The following SEL1L2 variants were observed in gnomAD, a reference collection of about 807,000 sequenced individuals.
The protein encoded by SEL1L2 is SEL1L2 adaptor subunit of SYVN1 ubiquitin ligase.
Under a neutral mutation model 98.8 loss-of-function variants are expected in SEL1L2, and 89 were observed. The observed-to-expected ratio is 0.90, with a 90% CI of 0.76 to 1.07. The LOEUF (loss-of-function observed/expected upper bound fraction) is 1.07. SEL1L2 is among the 50% of genes least tolerant of loss of function. SEL1L2 has a pLI of 0.00. For synonymous variants in SEL1L2, 262 were observed against 278.5 expected, an observed-to-expected ratio of 0.94 and a Z score of 0.59; for missense variants, 788 against 812.0, an observed-to-expected ratio of 0.97 and a Z score of 0.36.
At chr20:13,888,573 G>T in intron 5 of SEL1L2, 61 bp from the exon 6 acceptor site, 1 of 775,488 alleles carries the variant, frequency 1.3e-6, no homozygotes, top group Non-Finnish European at 2.1e-6. Context: ...TTATCTATAT[G>T]GATAAGGGAT....
chr20:13,940,610 CAT>C (rs1569009525), intron 2 of SEL1L2, among the ~76,000 whole-genome samples: 1 of 152,274 alleles, frequency 6.6e-6, no homozygotes, highest in East Asian at 1.9e-4. Context: ...TTCTGGCTGA[CAT>C]GTGAGGAACA....
intron 7 of SEL1L2, 41 bp from the exon 8 acceptor site, chr20:13,887,891 G>A: frequency 1.9e-6 from 3 of 1,601,974 alleles, no homozygotes; most frequent in Non-Finnish European, 2.6e-6. Flanking sequence ...TCAAGACAAT[G>A]CTGTATTTAT....
intron 1 of SEL1L2, among the ~76,000 whole-genome samples, chr20:13,989,196 CTTTT>C (rs1196921537): frequency 6.6e-6 from 1 of 152,094 alleles, no homozygotes; most frequent in Non-Finnish European, 1.5e-5. Context: ...GAGTTTCACA[CTTTT>C]TTTGTAAAAT....
intron 1 of SEL1L2, among the ~76,000 whole-genome samples, chr20:13,972,062 C>T (rs1489774873): frequency 6.6e-6 from 1 of 152,124 alleles, no homozygotes; most frequent in East Asian, 1.9e-4. Context: ...AGGACACACA[C>T]ACACACGCCC....
chr20:13,957,713 AC>A (rs1384523496), intron 1 of SEL1L2, among the ~76,000 whole-genome samples: 1 of 152,152 alleles, frequency 6.6e-6, no homozygotes, highest in Non-Finnish European at 1.5e-5. Flanking sequence ...CCCTGTCTCT[AC>A]AAAAAATGCA....
At chr20:13,864,138 C>T (rs939589430) in intron 17 of SEL1L2, among the ~76,000 whole-genome samples, 28 of 152,068 alleles carry the variant, frequency 1.8e-4, no homozygotes, top group African/African-American at 4.8e-4. Flanking sequence ...TGAGAGATTG[C>T]GGGTATTGTT....
At chr20:13,989,397 A>C (rs1458129787) in intron 1 of SEL1L2, among the ~76,000 whole-genome samples, 1 of 152,216 alleles carries the variant, frequency 6.6e-6, no homozygotes, top group Non-Finnish European at 1.5e-5. Flanking sequence ...TGTATACAAG[A>C]TCATGTCTTC....
intron 5 of SEL1L2, among the ~76,000 whole-genome samples, chr20:13,907,738 CTTTCTTT>C (rs1156363020): frequency 7.4e-4 from 77 of 104,196 alleles, no homozygotes; most frequent in Non-Finnish European, 2.7e-4. Flanking sequence ...TTCTTTCTTT[CTTTCTTT>C]CTTTTCTTTT....
At chr20:13,868,947 CCA>C (rs1268543469) in intron 14 of SEL1L2, among the ~76,000 whole-genome samples, 1 of 152,024 alleles carries the variant, frequency 6.6e-6, no homozygotes, top group East Asian at 1.9e-4. Flanking sequence ...ACAGGGGTGC[CCA>C]TTCATTTACT....
chr20:13,974,075 T>TTCTTTGTGTGGCCATTCTATCTA (rs1555901616), intron 1 of SEL1L2, among the ~76,000 whole-genome samples: 19 of 152,302 alleles, frequency 1.2e-4, no homozygotes, highest in Non-Finnish European at 2.6e-4. Context: ...GGATTCTATC[T>TTCTTTGTGTGGCCATTCTATCTA]TCTTTGTGTG....
At chr20:13,907,920 G>A (rs900218003) in intron 5 of SEL1L2, among the ~76,000 whole-genome samples, 3 of 144,266 alleles carry the variant, frequency 2.1e-5, no homozygotes, top group Admixed American at 7.0e-5. Context: ...GGCACATCCC[G>A]GCACGTGCCA....
intron 12 of SEL1L2, among the ~76,000 whole-genome samples, chr20:13,873,471 C>G (rs1178629515): frequency 7.9e-5 from 12 of 152,088 alleles, no homozygotes; most frequent in Non-Finnish European, 1.0e-4. Context: ...AAGTGATTCT[C>G]CTGCCTCAGC....
intron 1 of SEL1L2, among the ~76,000 whole-genome samples, chr20:13,956,483 C>T (rs2050548451): frequency 6.6e-6 from 1 of 151,978 alleles, no homozygotes; most frequent in South Asian, 2.1e-4. Context: ...TAAATAAGTG[C>T]CATCTATTAA....
intron 1 of SEL1L2, among the ~76,000 whole-genome samples, chr20:13,961,474 G>A (rs1030094130): frequency 6.6e-6 from 1 of 152,280 alleles, no homozygotes; most frequent in Non-Finnish European, 1.5e-5. Flanking sequence ...TGTCCATGTG[G>A]TTTTTGGGGC....
Position 13,877,432 on chromosome 20 carries a change from C to T in SEL1L2, c.1026+88G>A, listed in dbSNP as rs2046486427. ...CTTTCCACCTCAACTTCCCAAGTAG[C>T]TGGGACAACAGGCACACGCTGCTAT... On this transcript the variant is annotated intron_variant, in intron 11 of 19. Coordinates refer to ENST00000284951, the MANE Select transcript of SEL1L2 (RefSeq NM_025229.2). The T allele has an allele frequency of 5.8e-6, 6 of 1,030,216 alleles. No individual in the cohort carries two copies. The South Asian group carries it at 8.5e-5, about 15-fold the overall frequency. 63.8% of individuals were successfully genotyped at this position (1,030,216 alleles called of 1,614,324 possible). A position where few individuals can be genotyped will look rare whatever the true frequency, so the allele number is the denominator to read the frequency against.
intron 3 of SEL1L2, among the ~76,000 whole-genome samples, chr20:13,928,791 G>A (rs1306635581): frequency 2.0e-5 from 3 of 152,178 alleles, no homozygotes; most frequent in South Asian, 2.1e-4. Flanking sequence ...TAAACTGCCT[G>A]TTAATGTAAA....
At chr20:13,912,117 A>G (rs1354313602) in intron 5 of SEL1L2, among the ~76,000 whole-genome samples, 1 of 152,112 alleles carries the variant, frequency 6.6e-6, no homozygotes, top group Non-Finnish European at 1.5e-5. Flanking sequence ...CCAATGTTTC[A>G]TCATTATCCT....
intron 10 of SEL1L2, among the ~76,000 whole-genome samples, chr20:13,878,144 C>T (rs766545163): frequency 2.0e-5 from 3 of 152,068 alleles, no homozygotes; most frequent in Non-Finnish European, 4.4e-5. Context: ...TTGTCTAGGT[C>T]GTTACATTAA....
chr20:13,871,327 G>A (rs572327792), intron 12 of SEL1L2, among the ~76,000 whole-genome samples: 1 of 152,154 alleles, frequency 6.6e-6, no homozygotes, highest in Non-Finnish European at 1.5e-5. Flanking sequence ...CTAAGGAAGG[G>A]AGTATTTAGC....
Sources: allele counts gnomAD v4.1 joint callset (sites outside exome capture counted in the v4.1 genomes callset), GRCh38; gene constraint gnomAD v4.1.1; transcripts MANE v1.5; gene names NCBI Gene and HGNC (gene_info 2026-07-23, HGNC 2026-07-21).